The following CFAP144 variants were observed in gnomAD, a reference collection of about 807,000 sequenced individuals.
CFAP144 encodes cilia and flagella associated protein 144, also known as cilia- and flagella-associated protein 144.
At chr1:43,154,068 A>G in the CFAP144 span, among the ~76,000 whole-genome samples, 4,089 of 91,082 alleles carry the variant, frequency 0.045, 106 homozygotes, top group African/African-American at 0.1. Context: ...GTGTGTATAT[A>G]TATATATATA....
chr1:43,154,221 TA>T, the CFAP144 span, among the ~76,000 whole-genome samples: 1 of 144,488 alleles, frequency 6.9e-6, no homozygotes, highest in Non-Finnish European at 1.5e-5. Flanking sequence ...AATTATTATA[TA>T]AATTTTTATA....
At chr1:43,147,909 CTG>C in the CFAP144 span, 1,747 of 1,609,086 alleles carry the variant, frequency 1.1e-3, 26 homozygotes, top group African/African-American at 0.02. Context: ...TGCCTGGAGA[CTG>C]TGGAAGGCCC....
At chr1:43,150,909 G>A in the CFAP144 span, 2 of 1,081,916 alleles carry the variant, frequency 1.8e-6, no homozygotes, top group East Asian at 2.6e-5. Flanking sequence ...ATATCTTGGA[G>A]CAAGCATCAG....
the CFAP144 span, among the ~76,000 whole-genome samples, chr1:43,151,474 C>G: frequency 3.9e-5 from 6 of 152,060 alleles, no homozygotes; most frequent in Non-Finnish European, 8.8e-5. Context: ...AACAGGTGCC[C>G]CCATCAGGCA....
At chr1:43,154,324 TTA>T in the CFAP144 span, among the ~76,000 whole-genome samples, 1 of 145,340 alleles carries the variant, frequency 6.9e-6, no homozygotes, top group Non-Finnish European at 1.5e-5. Context: ...TAAAAATTAT[TTA>T]TATATATCCC....
chr1:43,151,053 TACTC>T, the CFAP144 span, among the ~76,000 whole-genome samples: 3 of 152,126 alleles, frequency 2.0e-5, no homozygotes, highest in African/African-American at 4.8e-5. Flanking sequence ...AAGATGGACA[TACTC>T]AATTATAACT....
At chr1:43,147,790 C>A in the CFAP144 span, 2 of 1,470,930 alleles carry the variant, frequency 1.4e-6, no homozygotes, top group Non-Finnish European at 1.8e-6. Flanking sequence ...GCGATGCAGG[C>A]AGGGTAAGGG....
the CFAP144 span, chr1:43,147,942 G>A: frequency 1.2e-6 from 2 of 1,613,710 alleles, no homozygotes. Context: ...GCGCGTGGCA[G>A]CCCAAGGCCA....
At chr1:43,149,001 A>T in the CFAP144 span, among the ~76,000 whole-genome samples, 1 of 150,936 alleles carries the variant, frequency 6.6e-6, no homozygotes, top group Non-Finnish European at 1.5e-5. Context: ...CTGCATCCTC[A>T]CTCCTGAAGC....
chr1:43,150,616 A>T, the CFAP144 span: 1 of 681,354 alleles, frequency 1.5e-6, no homozygotes, highest in African/African-American at 1.8e-5. Context: ...CCAATCGTGC[A>T]TTATCCTAGC....
the CFAP144 span, chr1:43,150,814 G>A: frequency 1.2e-6 from 2 of 1,609,082 alleles, no homozygotes; most frequent in South Asian, 2.2e-5. Context: ...GGAGGAACCT[G>A]CAGATGGTAA....
chr1:43,148,204 C>G, the CFAP144 span: 5 of 1,023,108 alleles, frequency 4.9e-6, no homozygotes, highest in Non-Finnish European at 2.8e-6. Flanking sequence ...CAGCACCCGC[C>G]CCCTTTCCTA....
chr1:43,147,125 G>A, the CFAP144 span, among the ~76,000 whole-genome samples: 7,837 of 152,274 alleles, frequency 0.051, 409 homozygotes, highest in African/African-American at 0.14. Context: ...GATTACAGGC[G>A]TGAGCCACCG....
chr1:43,147,978 G>T, the CFAP144 span: 6 of 1,613,916 alleles, frequency 3.7e-6, no homozygotes, highest in African/African-American at 8.0e-5. Context: ...AAGAGAAGGT[G>T]ATTCCAGATG....
the CFAP144 span, among the ~76,000 whole-genome samples, chr1:43,145,866 G>A: frequency 1.3e-5 from 2 of 152,204 alleles, no homozygotes; most frequent in Admixed American, 6.5e-5. Flanking sequence ...ATAGTGTAGT[G>A]CTGTTGCAAG....
the CFAP144 span, chr1:43,150,791 G>A: frequency 6.2e-7 from 1 of 1,610,548 alleles, no homozygotes; most frequent in East Asian, 2.2e-5. Context: ...CCCATGTCTT[G>A]GCATGATAAC....
chr1:43,156,325 A>T, the CFAP144 span: 10 of 1,600,238 alleles, frequency 6.2e-6, no homozygotes, highest in South Asian at 7.7e-5. Context: ...ATCCCAGCGG[A>T]TGAGCCCATC....
At chr1:43,156,102 G>A in the CFAP144 span, 1 of 906,196 alleles carries the variant, frequency 1.1e-6, no homozygotes, top group Non-Finnish European at 1.8e-6. Context: ...TGCAGCCACA[G>A]GCTGGGAGGG....
chr1:43,154,120 A>T, the CFAP144 span, among the ~76,000 whole-genome samples: 2 of 130,098 alleles, frequency 1.5e-5, no homozygotes, highest in South Asian at 2.4e-4. Flanking sequence ...TATATATATA[A>T]AAATATATTC....
Sources: allele counts gnomAD v4.1 joint callset (sites outside exome capture counted in the v4.1 genomes callset), GRCh38; gene constraint gnomAD v4.1.1; transcripts MANE v1.5; gene names NCBI Gene and HGNC (gene_info 2026-07-23, HGNC 2026-07-21).